Variants in CD276 observed in about 807,000 individuals in gnomAD.
CD276 encodes the protein CD276 molecule.
Under a neutral mutation model 50.0 loss-of-function variants are expected in CD276, and 34 were observed. The observed-to-expected ratio is 0.68, with a 90% CI of 0.52 to 0.91. The LOEUF is 0.91. Among genes scored for constraint, CD276 ranks in the 40% least tolerant of loss-of-function variants. CD276 has a pLI of 0.00. For missense variants in CD276, 634 were observed against 717.5 expected, an observed-to-expected ratio of 0.88 and a Z score of 1.33; for synonymous variants, 275 against 313.0, an observed-to-expected ratio of 0.88 and a Z score of 1.28.
At chr15:73,705,930 G>A (rs981276296) in intron 6 of CD276, among the ~76,000 whole-genome samples, 5 of 152,202 alleles carry the variant, frequency 3.3e-5, no homozygotes, top group African/African-American at 1.2e-4. Flanking sequence ...TTTTAAACTT[G>A]AGTAGCTAAC....
chr15:73,703,212 G>A (rs1435520034), intron 4 of CD276, 126 bp downstream of exon 4: 1 of 1,146,936 alleles, frequency 8.7e-7, no homozygotes, highest in East Asian at 2.6e-5. Flanking sequence ...ATGATAGGGA[G>A]AAAGATAACG....
chr15:73,709,230 G>A (rs1900782631), intron 7 of CD276, among the ~76,000 whole-genome samples: 1 of 152,104 alleles, frequency 6.6e-6, no homozygotes, highest in African/African-American at 2.4e-5. Context: ...GGGTGGGCTG[G>A]TGGAGGGTAG....
chr15:73,708,514 ATG>A (rs1900744308), intron 7 of CD276, 41 bp downstream of exon 7: 1 of 1,588,008 alleles, frequency 6.3e-7, no homozygotes, highest in Non-Finnish European at 8.6e-7. Flanking sequence ...ATGCACACTT[ATG>A]TGTCTTGGGG....
chr15:73,702,832 C>A lies in CD276; in HGVS notation c.479C>A (p.Thr160Lys). Residue 160 changes from threonine (T) to lysine (K), a missense_variant, in exon 4 of 10, where the codon ACG becomes AAG. Physicochemically the swap from Thr to Lys is moderately conservative, Grantham distance 78. Transcript: ENST00000318443. The stretch of plus-strand genomic sequence containing the variant: ...AACAAGGACCTGCGGCCAGGGGACA[C>A]GGTGACCATCACGTGCTCCAGCTAC... ...EPNKDLRPGDTVTITCSSYQG... is the reference protein window; with the variant it reads ...EPNKDLRPGDKVTITCSSYQG... The A allele has an allele frequency of 6.2e-7, 1 of 1,613,750 alleles. No homozygotes were observed. The highest frequency in any genetic ancestry group is 1.1e-5 in the South Asian group (1 of 91,062).
At chr15:73,701,361 G>C (rs921724034) in intron 2 of CD276, among the ~76,000 whole-genome samples, 4 of 152,174 alleles carry the variant, frequency 2.6e-5, no homozygotes, top group East Asian at 1.9e-4. Context: ...AGAGGAGCTA[G>C]AGTGAGTTTT....
At chr15:73,691,998 A>T (rs1252700093) in intron 1 of CD276, among the ~76,000 whole-genome samples, 1 of 152,182 alleles carries the variant, frequency 6.6e-6, no homozygotes, top group Non-Finnish European at 1.5e-5. Context: ...CGTGGGTCAC[A>T]GTATTCCACA....
rs769691860 is a variant in CD276 at position 73,703,913 on chromosome 15, G to A, written c.988G>A (p.Val330Met). ...CAATGCATCCCTGAGGCTGCAGCGCGTGCGTGTGGCGGACGAGGGCAGCTT... is the reference window on the plus strand; with the variant it reads ...CAATGCATCCCTGAGGCTGCAGCGCATGCGTGTGGCGGACGAGGGCAGCTT... Reference protein sequence around the residue: ...QGNASLRLQRVRVADEGSFTC... With the variant: ...QGNASLRLQRMRVADEGSFTC... Residue 330 changes from valine to methionine, a missense_variant, in exon 5 of 10, where the codon GTG becomes ATG. Val to Met is a conservative substitution (Grantham distance 21). Coordinates refer to ENST00000318443, the MANE Select transcript of CD276 (RefSeq NM_001024736.2). The A allele has an allele frequency of 8.7e-6, 14 of 1,613,430 alleles. No individual in the cohort carries two copies. The highest frequency in any genetic ancestry group is 3.3e-5 in the Admixed American group (2 of 59,996).
At position 73,708,783 on chromosome 15, in the gene CD276, A is replaced by C. The variant is rs537835270; in HGVS notation, c.1504+310A>C. ...CCAACAAGTGTGCCTGTGAAAGTGT[A>C]AGTCAGTCACGTGTGTGTGAGAGAG... On this transcript the variant is annotated intron_variant, in intron 7 of 9. Transcript: ENST00000318443. 3.3e-4 allele frequency: 134 copies of C among 402,176 alleles called. 1 individual carries two copies. Among genetic ancestry groups the C allele is most frequent in the South Asian group, 3.0e-3 (128 of 42,282 alleles). The allele number at this position is 402,176 out of a possible 1,614,324, so 24.9% of individuals were successfully genotyped here.
intron 1 of CD276, 75 bp from the exon 2 acceptor site, chr15:73,699,511 T>G (rs1900293590): frequency 1.2e-5 from 19 of 1,526,320 alleles, no homozygotes; most frequent in Non-Finnish European, 1.7e-5. Flanking sequence ...CCCACTCTGG[T>G]CCAGGAGAGA....
At position 73,702,984 on chromosome 15, in the gene CD276, G is replaced by C; in HGVS notation, c.631G>C (p.Val211Leu). 1 of 1,614,166 alleles carries C rather than the reference G, an allele frequency of 6.2e-7. No individual in the cohort carries two copies. Among genetic ancestry groups the C allele is most frequent in the Non-Finnish European group, 8.5e-7 (1 of 1,180,034 alleles). The change falls in exon 4 of 10, where the codon GTG becomes CTG. Residue 211 changes from valine (V) to leucine (L), a missense_variant. Physicochemically the swap from Val to Leu is conservative, Grantham distance 32 (BLOSUM62 1). Coordinates refer to ENST00000318443, the MANE Select transcript of CD276 (RefSeq NM_001024736.2). ...LFDVHSILRVVLGANGTYSCL... is the reference protein window; with the variant it reads ...LFDVHSILRVLLGANGTYSCL... ...TGATGTGCACAGCATCCTGCGGGTG[G>C]TGCTGGGTGCAAATGGCACCTACAG...
intron 1 of CD276, among the ~76,000 whole-genome samples, chr15:73,689,188 C>CTGTTTG (rs371659611): frequency 1.5e-3 from 212 of 142,712 alleles, no homozygotes; most frequent in African/African-American, 5.2e-3. Flanking sequence ...TCTGTGCCTC[C>CTGTTTG]TGTGTGTGTG....
chr15:73,711,423 A>C (rs1389476418), intron 9 of CD276: 8 of 483,118 alleles, frequency 1.7e-5, no homozygotes, highest in Non-Finnish European at 2.6e-5. Context: ...TAGTGTGAGC[A>C]TAGGTAATCG....
intron 7 of CD276, among the ~76,000 whole-genome samples, chr15:73,709,072 GGAA>G (rs1900774267): frequency 1.3e-5 from 2 of 152,278 alleles, no homozygotes; most frequent in South Asian, 4.1e-4. Flanking sequence ...GGAAGGAGAG[GGAA>G]GAAGAGTGGT....
At position 73,713,261 on chromosome 15, in the gene CD276, C is replaced by T; in HGVS notation, c.*305C>T. 1 of 387,170 alleles carries T rather than the reference C, an allele frequency of 2.6e-6. No individual in the cohort carries two copies. Among genetic ancestry groups the T allele is most frequent in the African/African-American group, 2.1e-5 (1 of 47,542 alleles). The allele number at this position is 387,170 out of a possible 1,614,324, so 24.0% of individuals were successfully genotyped here. A position where few individuals can be genotyped will look rare whatever the true frequency, so the allele number is the denominator to read the frequency against. ...ATACATTTCTTAGGGACACAGTACACTGACCACATCACCACCCTCTTCTTC... is the reference window on the plus strand; with the variant it reads ...ATACATTTCTTAGGGACACAGTACATTGACCACATCACCACCCTCTTCTTC... On this transcript the variant is annotated 3_prime_UTR_variant, in exon 10 of 10. Coordinates refer to ENST00000318443, the MANE Select transcript of CD276 (RefSeq NM_001024736.2).
Position 73,704,265 on chromosome 15 carries a change from G to C in CD276, c.1162G>C (p.Gly388Arg). 6.2e-7 allele frequency: 1 copy of C among 1,614,120 alleles called. No individual in the cohort carries two copies. The highest frequency in any genetic ancestry group is 1.1e-5 in the South Asian group (1 of 91,086). ...GACCATCACGTGCTCCAGCTACCGG[G>C]GCTACCCTGAGGCTGAGGTGTTCTG... is the stretch of plus-strand genomic sequence containing the variant. ...TVTITCSSYR[G>R]YPEAEVFWQD... Residue 388 changes from glycine to arginine, a missense_variant, in exon 6 of 10, where the codon GGC (glycine) becomes CGC (arginine). Coordinates refer to ENST00000318443, the MANE Select transcript of CD276 (RefSeq NM_001024736.2). This position sits in a 1 kb window ranked among gnomAD's most constrained non-coding sequence, Gnocchi z 4.1.
At chr15:73,695,596 A>G (rs927910854) in intron 1 of CD276, among the ~76,000 whole-genome samples, 1 of 152,188 alleles carries the variant, frequency 6.6e-6, no homozygotes, top group Non-Finnish European at 1.5e-5. Flanking sequence ...CCCTACCAGG[A>G]ACTCCGTAAG....
At chr15:73,690,668 C>A (rs1899952973) in intron 1 of CD276, 1 of 455,824 alleles carries the variant, frequency 2.2e-6, no homozygotes, top group Non-Finnish European at 4.4e-6. Context: ...TCACTTCTTA[C>A]AGGCCCCACC....
chr15:73,707,345 T>C (rs1415886002), intron 6 of CD276, among the ~76,000 whole-genome samples: 2 of 152,204 alleles, frequency 1.3e-5, no homozygotes, highest in East Asian at 1.9e-4. Flanking sequence ...GAGGATGGTA[T>C]GTAAGATGGA....
At chr15:73,700,357 A>G (rs1299961153) in intron 2 of CD276, among the ~76,000 whole-genome samples, 2 of 152,188 alleles carry the variant, frequency 1.3e-5, no homozygotes, top group Non-Finnish European at 2.9e-5. Flanking sequence ...TATCCTCATC[A>G]CATTTCAAAT....
Sources: gnomAD v4.1 joint callset for allele counts (sites outside exome capture counted in the v4.1 genomes callset) on GRCh38, gnomAD v4.1.1 for gene constraint, Gnocchi (gnomAD v3.1) non-coding constraint, MANE v1.5 for transcripts, NCBI Gene and HGNC (gene_info 2026-07-23, HGNC 2026-07-21) for gene names.